The following RGS6 variants were observed in gnomAD, a reference collection of about 807,000 sequenced individuals.
The protein encoded by RGS6 is regulator of G protein signaling 6.
In RGS6, 30 loss-of-function variants were observed where a neutral mutation model predicts 78.5. The ratio of observed to expected loss-of-function variants is 0.38; its 90% CI spans 0.29 to 0.52. The LOEUF (loss-of-function observed/expected upper bound fraction) is 0.52. Ranked by LOEUF, RGS6 falls within the 20% of genes least tolerant of loss-of-function variation. The probability of loss-of-function intolerance (pLI) is 0.85; values close to 1 mark genes in which losing one functional copy is unlikely to be tolerated. For synonymous variants in RGS6, 206 were observed against 206.0 expected (o/e 1.00, Z 0.00); for missense variants, 495 against 609.7 (o/e 0.81, Z 1.98).
intron 17 of RGS6, among the ~76,000 whole-genome samples, chr14:72,544,971 T>G (rs574398371): frequency 6.6e-6 from 1 of 152,338 alleles, no homozygotes; most frequent in Non-Finnish European, 1.5e-5. Context: ...AAGCAGCTCC[T>G]GCCCCCAGGA....
chr14:72,477,461 C>G (rs1464045126), intron 11 of RGS6, among the ~76,000 whole-genome samples: 1 of 150,504 alleles, frequency 6.6e-6, no homozygotes, highest in East Asian at 2.0e-4. Flanking sequence ...AGTTTATTAT[C>G]TGATGGGTAA....
At chr14:71,881,097 T>C in the RGS6 span, among the ~76,000 whole-genome samples, 3 of 152,228 alleles carry the variant, frequency 2.0e-5, no homozygotes, top group Non-Finnish European at 4.4e-5. Flanking sequence ...CCCCACTGGA[T>C]TTCAGACTTG....
chr14:72,512,899 G>A (rs115307609), intron 14 of RGS6, among the ~76,000 whole-genome samples: 142 of 152,318 alleles, frequency 9.3e-4, no homozygotes, highest in Middle Eastern at 3.4e-3. Flanking sequence ...TAAATATCAG[G>A]GTGGCCAGGC....
At chr14:72,416,367 G>T (rs2093809761) in intron 3 of RGS6, among the ~76,000 whole-genome samples, 1 of 152,088 alleles carries the variant, frequency 6.6e-6, no homozygotes, top group South Asian at 2.1e-4. Context: ...CTTGTCCCCT[G>T]CTTTCAGCTC....
chr14:71,909,576 T>TAGAGAGGAG, the RGS6 span, among the ~76,000 whole-genome samples: 2 of 146,014 alleles, frequency 1.4e-5, no homozygotes, highest in Non-Finnish European at 3.0e-5. Flanking sequence ...AATAAGGACA[T>TAGAGAGGAG]AGAGAGAGGG....
At chr14:71,965,020 T>A in intron 2 of RGS6, 145 bp downstream of exon 2, 1 of 515,420 alleles carries the variant, frequency 1.9e-6, no homozygotes, top group Non-Finnish European at 3.3e-6. Flanking sequence ...GGTTCTCTAG[T>A]TCTAAAATTC....
At chr14:72,181,610 T>G (rs1187211669) in intron 2 of RGS6, among the ~76,000 whole-genome samples, 1 of 152,232 alleles carries the variant, frequency 6.6e-6, no homozygotes, top group Non-Finnish European at 1.5e-5. Context: ...TGCTATATAC[T>G]GATTTGCACT....
chr14:72,351,888 G>C (rs963922078), intron 2 of RGS6, among the ~76,000 whole-genome samples: 4 of 152,028 alleles, frequency 2.6e-5, no homozygotes, highest in Non-Finnish European at 5.9e-5. Context: ...CATGACTTAT[G>C]CTCTGTATAT....
intron 3 of RGS6, among the ~76,000 whole-genome samples, chr14:72,445,915 G>GT (rs2095352509): frequency 6.6e-6 from 1 of 152,114 alleles, no homozygotes; most frequent in African/African-American, 2.4e-5. Context: ...ATTAGTTAAG[G>GT]TGAGATAATT....
At chr14:72,454,713 A>G (rs548061897) in intron 4 of RGS6, 135 bp downstream of exon 4, 125 of 630,302 alleles carry the variant, frequency 2.0e-4, no homozygotes, top group Non-Finnish European at 3.1e-4. Context: ...GAATCACTCT[A>G]TTTACAAATA....
At chr14:72,452,360 T>C (rs2095517504) in intron 3 of RGS6, among the ~76,000 whole-genome samples, 1 of 151,902 alleles carries the variant, frequency 6.6e-6, no homozygotes, top group African/African-American at 2.4e-5. Flanking sequence ...GCCTTTGAGG[T>C]TGGCGCGGGG....
At position 72,117,587 on chromosome 14, in the gene RGS6, A is replaced by G. The variant is rs148298594; in HGVS notation, c.84+152712A>G. ...CGGTCTCAGGAATTCCTTTATAACA[A>G]TGCAAAAGGACTAACACAGCAGGTG... is the stretch of plus-strand genomic sequence containing the variant. On this transcript the variant is annotated intron_variant, in intron 2 of 17. Coordinates refer to ENST00000553525, the MANE Select transcript of RGS6 (RefSeq NM_001204424.2). Among the ~76,000 whole-genome samples the G allele has an allele frequency of 5.5e-3, 834 of 152,214 alleles. 9 individuals carry two copies. The highest frequency in any genetic ancestry group is 0.019 in the African/African-American group (797 of 41,530).
intron 2 of RGS6, among the ~76,000 whole-genome samples, chr14:72,050,761 G>T (rs2093182106): frequency 6.6e-6 from 1 of 152,162 alleles, no homozygotes; most frequent in South Asian, 2.1e-4. Context: ...AACATGAATT[G>T]AAAATACAGT....
chr14:71,888,418 CAAA>C, the RGS6 span, among the ~76,000 whole-genome samples: 21 of 143,638 alleles, frequency 1.5e-4, no homozygotes, highest in Non-Finnish European at 2.7e-4. Context: ...AGCTCTGTCT[CAAA>C]AAAAAAAAAA....
At chr14:72,338,930 A>G (rs995529418) in intron 2 of RGS6, among the ~76,000 whole-genome samples, 2 of 152,210 alleles carry the variant, frequency 1.3e-5, no homozygotes, top group African/African-American at 4.8e-5. Context: ...GCCCTGAGAG[A>G]TTTTGCCTGC....
chr14:72,270,432 C>G lies in RGS6; in HGVS notation c.85-81663C>G, dbSNP rs113454743. 8.7e-3 allele frequency among the ~76,000 whole-genome samples: 1,321 copies of G among 152,314 alleles called. 18 individuals carry two copies. The highest frequency in any genetic ancestry group is 0.03 in the African/African-American group (1,255 of 41,550). ...GGAGAAAGGACAACTGGCAAAGACTCTGATGTGGTGTCCAGCCTTTCAGAT... is the reference window on the plus strand; with the variant it reads ...GGAGAAAGGACAACTGGCAAAGACTGTGATGTGGTGTCCAGCCTTTCAGAT... On this transcript the variant is annotated intron_variant, in intron 2 of 17. Transcript: ENST00000553525.
intron 2 of RGS6, among the ~76,000 whole-genome samples, chr14:72,058,043 A>G (rs1199599866): frequency 6.7e-6 from 1 of 150,014 alleles, no homozygotes; most frequent in Non-Finnish European, 1.5e-5. Context: ...CTGCTATGTG[A>G]TGCTGGCTAT....
At chr14:72,060,066 A>G (rs927653874) in intron 2 of RGS6, among the ~76,000 whole-genome samples, 2 of 152,302 alleles carry the variant, frequency 1.3e-5, no homozygotes, top group African/African-American at 2.4e-5. Context: ...GTTCAGATGC[A>G]TCGGGGTTCG....
intron 2 of RGS6, among the ~76,000 whole-genome samples, chr14:72,167,872 G>A (rs1310194893): frequency 6.6e-6 from 1 of 152,042 alleles, no homozygotes; most frequent in Non-Finnish European, 1.5e-5. Flanking sequence ...CTGTACAGAG[G>A]GCATGTCAAT....
Sources: gnomAD v4.1 joint callset for allele counts (sites outside exome capture counted in the v4.1 genomes callset) on GRCh38, gnomAD v4.1.1 for gene constraint, MANE v1.5 for transcripts, NCBI Gene and HGNC (gene_info 2026-07-23, HGNC 2026-07-21) for gene names.